Variants in PRAMEF27 observed in about 807,000 individuals in gnomAD.
The protein encoded by PRAMEF27 is PRAME family member 27.
A neutral mutation model predicts 21.0 loss-of-function variants in PRAMEF27; 5 were observed. The ratio of observed to expected loss-of-function variants is 0.24; its 90% CI spans 0.12 to 0.50. The LOEUF (loss-of-function observed/expected upper bound fraction) is 0.50. PRAMEF27 is among the 20% of genes least tolerant of loss of function. The pLI is 0.98. For synonymous variants in PRAMEF27, 61 were observed against 211.2 expected (o/e 0.29, Z 6.17); for missense variants, 138 against 541.4 (o/e 0.25, Z 7.39).
intron 2 of PRAMEF27, 135 bp downstream of exon 2, chr1:13,053,232 A>T: frequency 1.1e-6 from 1 of 925,112 alleles, no homozygotes; most frequent in Admixed American, 3.1e-5. Context: ...TTCCCTGAGG[A>T]GCTGGTGAAT....
Position 13,049,991 on chromosome 1 carries a change from C to G in PRAMEF27, c.1254G>C (p.Pro418=), listed in dbSNP as rs1253251484. The part of the protein sequence containing the change: ...KNLCVEVYPA[P]RESYGADGTL... The stretch of plus-strand genomic sequence containing the variant: ...TACCATCAGCACCATAACTCTCCCG[C>G]GGGGCAGGATACACCTCCACGCATA... The change falls in exon 4 of 4, where the codon CCG becomes CCC. Residue 418 remains proline (P), a synonymous_variant. Transcript: ENST00000436041. 1.2e-4 allele frequency: 166 copies of G among 1,433,826 alleles called. 34 individuals carry two copies. The highest frequency in any genetic ancestry group is 2.0e-4 in the East Asian group (8 of 39,462). 88.8% of individuals were successfully genotyped at this position (1,433,826 alleles called of 1,614,324 possible).
In PRAMEF27 at chr1:13,049,985, C is replaced by T. The variant is rs1216705959; in HGVS notation, c.1260G>A (p.Glu420=). The change falls in exon 4 of 4, where the codon GAG becomes GAA. Residue 420 remains glutamate, a synonymous_variant. Coordinates refer to ENST00000436041, the MANE Select transcript of PRAMEF27 (RefSeq NM_001300891.2). ...AGAGAGTACCATCAGCACCATAACT[C>T]TCCCGCGGGGCAGGATACACCTCCA... The part of the protein sequence containing the change: ...LCVEVYPAPR[E]SYGADGTLCW... 7.0e-7 allele frequency: 1 copy of T among 1,435,066 alleles called. No homozygotes were observed. Among genetic ancestry groups the T allele is most frequent in the Non-Finnish European group, 9.2e-7 (1 of 1,088,124 alleles). 88.9% of individuals were successfully genotyped at this position (1,435,066 alleles called of 1,614,324 possible).
At chr1:13,052,003 T>C in intron 3 of PRAMEF27, 115 bp downstream of exon 3, 3 of 1,445,802 alleles carry the variant, frequency 2.1e-6, no homozygotes, top group Non-Finnish European at 1.8e-6. Flanking sequence ...ATGGACATTC[T>C]AGTGTCCCCT....
Position 13,053,489 on chromosome 1 carries a change from C to A in PRAMEF27, c.171G>T (p.Met57Ile), listed in dbSNP as rs1642225337. The A allele has an allele frequency of 2.7e-6, 4 of 1,485,076 alleles. No individual in the cohort carries two copies. The highest frequency in any genetic ancestry group is 3.7e-5 in the Admixed American group (2 of 54,372). 92.0% of individuals were successfully genotyped at this position (1,485,076 alleles called of 1,614,324 possible). A position where few individuals can be genotyped will look rare whatever the true frequency, so the allele number is the denominator to read the frequency against. ...SRRCCEALKL[M>I]VQAWPFRRLP... ...GGCGGCGGAAGGGCCAGGCCTGCAC[C>A]ATCAGCTTCAGGGCCTCACAGCATC... The change falls in exon 2 of 4, where the codon ATG (methionine) becomes ATT (isoleucine). Residue 57 changes from methionine to isoleucine, a missense_variant. By Grantham distance (10) the Met-to-Ile change is conservative (BLOSUM62 1). Transcript: ENST00000436041.
intron 3 of PRAMEF27, 175 bp from the exon 4 acceptor site, chr1:13,050,544 T>C: frequency 2.1e-6 from 2 of 943,656 alleles, no homozygotes; most frequent in Admixed American, 2.5e-5. Flanking sequence ...GCCACCGAGG[T>C]CAATTCCACC....
chr1:13,053,615 C>G lies in PRAMEF27; in HGVS notation c.45G>C (p.Ala15=), dbSNP rs1433398400. ...CTTGGTCCCTCAGCAGGCTCCGCCC[C>G]GCAAGCTCCAGGAGTCTGGGTGGAG... is the stretch of plus-strand genomic sequence containing the variant. The part of the protein sequence containing the change: ...IRTPPRLLEL[A]GRSLLRDQAL... Residue 15 remains alanine (A), a synonymous_variant, in exon 2 of 4, where the codon GCG becomes GCC. Transcript: ENST00000436041. 5.6e-6 allele frequency: 9 copies of G among 1,594,850 alleles called. No individual in the cohort carries two copies. In the South Asian group the frequency reaches 8.9e-5, roughly 16 times the overall value.
chr1:13,050,557 A>G lies in PRAMEF27; in HGVS notation c.876-188T>C, dbSNP rs1642191608. ...TTGCCACCGAGGTCAATTCCACCTT[A>G]GAGCCGGCCCAGTAACTCACACCTG... On this transcript the variant is annotated intron_variant, in intron 3 of 3. Transcript: ENST00000436041. 1.0e-5 allele frequency: 7 copies of G among 680,794 alleles called. 1 individual carries two copies. Among genetic ancestry groups the G allele is most frequent in the Non-Finnish European group, 1.4e-5 (6 of 427,578 alleles). 42.2% of individuals were successfully genotyped at this position (680,794 alleles called of 1,614,324 possible).
rs1465417492 is a variant in PRAMEF27, at chr1:13,053,745, A to G, written c.-16-70T>C. The G allele has an allele frequency of 2.5e-5, 38 of 1,532,564 alleles. 2 individuals are homozygous for G. Among genetic ancestry groups the G allele is most frequent in the Non-Finnish European group, 3.1e-5 (36 of 1,155,658 alleles). The allele number at this position is 1,532,564 out of a possible 1,614,324, so 94.9% of individuals were successfully genotyped here. A position where few individuals can be genotyped will look rare whatever the true frequency, so the allele number is the denominator to read the frequency against. On this transcript the variant is annotated intron_variant, in intron 1 of 3. Transcript: ENST00000436041. The stretch of plus-strand genomic sequence containing the variant: ...AGCCCATGCAATCTCATCTTCTCCT[A>G]TGGCCAAACTCACTGCTCTGGCAAT...
Position 13,052,253 on chromosome 1 carries a change from G to A in PRAMEF27, c.740C>T (p.Ser247Phe). Residue 247 changes from serine to phenylalanine, a missense_variant, in exon 3 of 4, where the codon TCT becomes TTT. Ser to Phe is a radical substitution (Grantham distance 155). Coordinates refer to ENST00000436041, the MANE Select transcript of PRAMEF27 (RefSeq NM_001300891.2). ...QKLVLSHMDV[S>F]RYVSPEQKKE... is the part of the protein sequence containing the mutation. ...CTTCTGCTCTGGGGAAACGTAGCGA[G>A]AGACATCCATGTGAGAGAGAACGAG... The A allele has an allele frequency of 6.9e-7, 1 of 1,449,610 alleles. No individual in the cohort carries two copies. The highest frequency in any genetic ancestry group is 9.0e-7 in the Non-Finnish European group (1 of 1,110,452). The allele number at this position is 1,449,610 out of a possible 1,614,324, so 89.8% of individuals were successfully genotyped here.
In PRAMEF27 at chr1:13,056,497, C is replaced by T. The variant is rs1225668677; in HGVS notation, c.-100G>A. On this transcript the variant is annotated 5_prime_UTR_variant, in exon 1 of 4. Transcript: ENST00000436041. ...CAGGCTTGAAGACTTTGGGTCTCTC[C>T]TGTGGGTCTTTAGAAGCTTTTATTG... 2 of 127,072 alleles carry T rather than the reference C, an allele frequency of 1.6e-5. No homozygotes were observed. Among genetic ancestry groups the T allele is most frequent in the East Asian group, 4.3e-4 (2 of 4,674 alleles). 7.9% of individuals were successfully genotyped at this position (127,072 alleles called of 1,614,324 possible). A position where few individuals can be genotyped will look rare whatever the true frequency, so the allele number is the denominator to read the frequency against.
intron 3 of PRAMEF27, chr1:13,050,851 A>AG (rs1642195538): frequency 8.3e-6 from 1 of 120,800 alleles, no homozygotes; most frequent in Non-Finnish European, 1.6e-5. Context: ...AAAAAAAAGA[A>AG]GGAAAAAAAA....
intron 3 of PRAMEF27, 164 bp from the exon 4 acceptor site, chr1:13,050,533 T>C: frequency 8.7e-7 from 1 of 1,149,094 alleles, no homozygotes; most frequent in South Asian, 1.6e-5. Flanking sequence ...TGAAGAGCTT[T>C]GCCACCGAGG....
Position 13,049,818 on chromosome 1 carries a change from T to C in PRAMEF27, c.1427A>G (p.Tyr476Cys). The C allele has an allele frequency of 2.9e-6, 4 of 1,400,724 alleles. 1 individual carries two copies. Among genetic ancestry groups the C allele is most frequent in the South Asian group, 2.8e-5 (2 of 71,648 alleles). The allele number at this position is 1,400,724 out of a possible 1,614,324, so 86.8% of individuals were successfully genotyped here. A position where few individuals can be genotyped will look rare whatever the true frequency, so the allele number is the denominator to read the frequency against. ...CAAATAGGCAGGCATTCAACAGCAG[T>C]ATTGATCTGCCTCCAGGTCATAAAA... ...RSFYDLEADQYCC is the reference protein window; with the variant it reads ...RSFYDLEADQCCC The change falls in exon 4 of 4, where the codon TAC (tyrosine) becomes TGC (cysteine). Residue 476 changes from tyrosine to cysteine, a missense_variant. By Grantham distance (194) the Tyr-to-Cys change is radical. Transcript: ENST00000436041.
At position 13,053,780 on chromosome 1, in the gene PRAMEF27, G is replaced by A; in HGVS notation, c.-16-105C>T. The stretch of plus-strand genomic sequence containing the variant: ...TCACTGCTCTGGCAATGGTGAAACA[G>A]CCCTCAGTTTACTCCAATTCTGCCC... On this transcript the variant is annotated intron_variant, in intron 1 of 3. Transcript: ENST00000436041. The A allele has an allele frequency of 2.1e-6, 3 of 1,396,140 alleles. 1 individual carries two copies. The highest frequency in any genetic ancestry group is 2.9e-5 in the South Asian group (2 of 68,390). 86.5% of individuals were successfully genotyped at this position (1,396,140 alleles called of 1,614,324 possible).
At position 13,049,864 on chromosome 1, in the gene PRAMEF27, G is replaced by T; in HGVS notation, c.1381C>A (p.Pro461Thr). 7.1e-7 allele frequency: 1 copy of T among 1,415,204 alleles called. No individual in the cohort carries two copies. Among genetic ancestry groups the T allele is most frequent in the Non-Finnish European group, 9.3e-7 (1 of 1,079,964 alleles). 87.7% of individuals were successfully genotyped at this position (1,415,204 alleles called of 1,614,324 possible). A position where few individuals can be genotyped will look rare whatever the true frequency, so the allele number is the denominator to read the frequency against. The part of the protein sequence containing the change: ...KRIFFCIDNC[P>T]DCGNRSFYDL... ...TAAAATGACCTGTTGCCACAGTCAG[G>T]GCAGTTATCAATACAGAAAAAGATC... The change falls in exon 4 of 4, where the codon CCT (proline) becomes ACT (threonine). Residue 461 changes from proline (P) to threonine (T), a missense_variant. By Grantham distance (38) the Pro-to-Thr change is conservative. Transcript: ENST00000436041.
intron 3 of PRAMEF27, 107 bp from the exon 4 acceptor site, chr1:13,050,476 A>G (rs1434127377): frequency 8.0e-6 from 10 of 1,253,062 alleles, no homozygotes; most frequent in Non-Finnish European, 1.1e-5. Context: ...GCCCAAGTCC[A>G]GGGTCATTCT....
chr1:13,049,935 C>G lies in PRAMEF27; in HGVS notation c.1310G>C (p.Arg437Thr). Residue 437 changes from arginine to threonine, a missense_variant, in exon 4 of 4, where the codon AGG (arginine) becomes ACG (threonine). Arg to Thr is a moderately conservative substitution (Grantham distance 71, BLOSUM62 -1). Transcript: ENST00000436041. ...TLCWNRFAQI[R>T]AELMNRVRDL... is the part of the protein sequence containing the mutation. ...CCTCACTCTGTTCATCAGCTCAGCCCTAATTTGAGCAAATCTGTTCCAGCA... is the reference window on the plus strand; with the variant it reads ...CCTCACTCTGTTCATCAGCTCAGCCGTAATTTGAGCAAATCTGTTCCAGCA... 1.4e-6 allele frequency: 2 copies of G among 1,419,704 alleles called. 1 individual carries two copies. The highest frequency in any genetic ancestry group is 5.2e-5 in the East Asian group (2 of 38,404). The allele number at this position is 1,419,704 out of a possible 1,614,324, so 87.9% of individuals were successfully genotyped here. A position where few individuals can be genotyped will look rare whatever the true frequency, so the allele number is the denominator to read the frequency against.
chr1:13,051,994 T>G, intron 3 of PRAMEF27, 124 bp downstream of exon 3: 1 of 1,386,980 alleles, frequency 7.2e-7, no homozygotes, highest in Non-Finnish European at 9.6e-7. Context: ...GGACAATGTA[T>G]GGACATTCTA....
chr1:13,052,854 A>ATT, intron 2 of PRAMEF27, 155 bp from the exon 3 acceptor site: 1 of 1,023,710 alleles, frequency 9.8e-7, no homozygotes, highest in Non-Finnish European at 1.3e-6. Context: ...CCACTTCCAC[A>ATT]TTTTTTTGTT....
Sources: allele counts gnomAD v4.1 joint callset, GRCh38; gene constraint gnomAD v4.1.1; transcripts MANE v1.5; gene names NCBI Gene and HGNC (gene_info 2026-07-23, HGNC 2026-07-21).